Variants in DHRS7C observed in about 807,000 individuals in gnomAD.
DHRS7C encodes dehydrogenase/reductase SDR family member 7C.
A neutral mutation model predicts 29.6 loss-of-function variants in DHRS7C; 28 were observed. That is an observed-to-expected ratio of 0.95 (90% CI 0.70 to 1.30). The LOEUF is 1.30. Ranked by LOEUF, DHRS7C falls within the 50% of genes most tolerant of loss-of-function variation. The pLI, the probability that DHRS7C is intolerant of heterozygous loss-of-function variation, is 0.00. For missense variants in DHRS7C, 403 were observed against 393.3 expected (o/e 1.02, Z -0.21); for synonymous variants, 158 against 160.2 (o/e 0.99, Z 0.10).
intron 4 of DHRS7C, 29 bp from the exon 5 acceptor site, chr17:9,772,951 G>T (rs2066340274): frequency 1.2e-6 from 2 of 1,610,586 alleles, no homozygotes; most frequent in South Asian, 2.2e-5. Flanking sequence ...GGAGGTGGGC[G>T]CAGGACACTC....
In DHRS7C at chr17:9,784,521, G is replaced by A. The variant is rs140207695; in HGVS notation, c.155-2927C>T. 7.0e-3 allele frequency among the ~76,000 whole-genome samples: 1,058 copies of A among 151,824 alleles called. 18 individuals carry two copies. Among genetic ancestry groups the A allele is most frequent in the African/African-American group, 0.024 (985 of 41,430 alleles). On this transcript the variant is annotated intron_variant, in intron 1 of 5. Coordinates refer to ENST00000571134, the MANE Select transcript of DHRS7C (RefSeq NM_001105571.3). The stretch of plus-strand genomic sequence containing the variant: ...GAAAATCTTACAGCAAAACAAAAAC[G>A]AAAACAAAAAACACCCATAAGTAAA...
At chr17:9,786,841 C>T (rs1194954604) in intron 1 of DHRS7C, among the ~76,000 whole-genome samples, 3 of 152,126 alleles carry the variant, frequency 2.0e-5, no homozygotes, top group Admixed American at 6.5e-5. Flanking sequence ...TGGGGAGTAA[C>T]GCATTCTCCA....
chr17:9,777,098 C>T (rs1293308537), intron 4 of DHRS7C, 95 bp downstream of exon 4: 2 of 1,042,068 alleles, frequency 1.9e-6, no homozygotes, highest in Non-Finnish European at 2.7e-6. Flanking sequence ...ACCCTTTCCC[C>T]TGTGACCATC....
intron 1 of DHRS7C, among the ~76,000 whole-genome samples, chr17:9,782,685 T>A (rs2066399717): frequency 6.6e-6 from 1 of 152,206 alleles, no homozygotes; most frequent in African/African-American, 2.4e-5. Context: ...AGCCAACTCT[T>A]ACAGTGCCTG....
chr17:9,778,686 C>T lies in DHRS7C; in HGVS notation c.478+1139G>A, dbSNP rs777985514. 7.9e-5 allele frequency among the ~76,000 whole-genome samples: 12 copies of T among 152,176 alleles called. No homozygotes were observed. The South Asian group carries it at 1.2e-3, about 16-fold the overall frequency. On this transcript the variant is annotated intron_variant, in intron 3 of 5. Coordinates refer to ENST00000571134, the MANE Select transcript of DHRS7C (RefSeq NM_001105571.3). ...CACCATTCTAGAAGCTCTGGAAAGT[C>T]ATCTTTCTGCCCCAAATGCGTCTTT...
rs200331893 is a variant in DHRS7C at position 9,772,878 on chromosome 17, G to A, written c.616C>T (p.Arg206Ter). ...ACATCGTATTCCTCCACTTCGGCTC[G>A]GAGGCAGTCAAAGAAGCCCAGGGCT... ...HAALGFFDCL[R>*]AEVEEYDVVI... Residue 206 changes from arginine to a stop codon, truncating the protein, a stop_gained, in exon 5 of 6, where the codon CGA becomes TGA. Coordinates refer to ENST00000571134, the MANE Select transcript of DHRS7C (RefSeq NM_001105571.3). LOFTEE classifies it high-confidence loss of function. 1.4e-4 allele frequency: 223 copies of A among 1,613,872 alleles called. No homozygotes were observed. Among genetic ancestry groups the A allele is most frequent in the Middle Eastern group, 1.7e-4 (1 of 6,060 alleles).
chr17:9,772,669 T>C, intron 5 of DHRS7C, 98 bp downstream of exon 5: 2 of 1,445,482 alleles, frequency 1.4e-6, no homozygotes, highest in East Asian at 2.4e-5. Context: ...CCCAGACTCA[T>C]GTTTCAGGAG....
chr17:9,791,385 A>G lies in DHRS7C; in HGVS notation c.-101T>C, dbSNP rs149667378. On this transcript the variant is annotated 5_prime_UTR_variant, in exon 1 of 6. Transcript: ENST00000571134. ...GGAGGCCCAAGGCTGCAGGGAGCTCAGCTCTGTGCAAGCCTCCAAGCTGAA... is the reference window on the plus strand; with the variant it reads ...GGAGGCCCAAGGCTGCAGGGAGCTCGGCTCTGTGCAAGCCTCCAAGCTGAA... The G allele has an allele frequency of 7.3e-7, 1 of 1,374,480 alleles. No individual in the cohort carries two copies. Among genetic ancestry groups the G allele is most frequent in the African/African-American group, 1.4e-5 (1 of 69,770 alleles). The allele number at this position is 1,374,480 out of a possible 1,614,324, so 85.1% of individuals were successfully genotyped here.
At chr17:9,778,582 G>T (rs935793833) in intron 3 of DHRS7C, among the ~76,000 whole-genome samples, 1 of 152,146 alleles carries the variant, frequency 6.6e-6, no homozygotes, top group South Asian at 2.1e-4. Context: ...TCCGTTAAAG[G>T]TTGGTAGCTG....
chr17:9,777,048 T>C (rs919753921), intron 4 of DHRS7C, 145 bp downstream of exon 4: 4 of 642,966 alleles, frequency 6.2e-6, no homozygotes, highest in East Asian at 3.0e-5. Flanking sequence ...ATAGGAACCA[T>C]AGGGATGAAA....
At chr17:9,778,266 C>T (rs1157282709) in intron 3 of DHRS7C, among the ~76,000 whole-genome samples, 7 of 151,916 alleles carry the variant, frequency 4.6e-5, no homozygotes, top group Non-Finnish European at 1.0e-4. Context: ...TGGTGGCGGG[C>T]GCCTGTAGTC....
rs375773762 is a variant in DHRS7C, at chr17:9,775,321, C to T, written c.571+1872G>A. Among the ~76,000 whole-genome samples, 1 of 152,200 alleles carries T rather than the reference C, an allele frequency of 6.6e-6. No homozygotes were observed. The highest frequency in any genetic ancestry group is 1.9e-4 in the East Asian group (1 of 5,192). ...TGCTGTATGTGGCCCATTCACTCTG[C>T]CCTTCTTCCTGGGCCCCCAGGTGGA... On this transcript the variant is annotated intron_variant, in intron 4 of 5. Coordinates refer to ENST00000571134, the MANE Select transcript of DHRS7C (RefSeq NM_001105571.3). The surrounding 1 kb of genome is among the most constrained non-coding windows in gnomAD (Gnocchi z 4.2).
intron 2 of DHRS7C, among the ~76,000 whole-genome samples, chr17:9,780,663 GAT>G (rs1157381240): frequency 6.6e-6 from 1 of 152,154 alleles, no homozygotes; most frequent in Non-Finnish European, 1.5e-5. Context: ...CTAGTCCTGA[GAT>G]ATGCCCTTGA....
Position 9,791,525 on chromosome 17 carries a change from T to C in DHRS7C, c.-241A>G. Among the ~76,000 whole-genome samples, 1 of 152,204 alleles carries C rather than the reference T, an allele frequency of 6.6e-6. No homozygotes were observed. The highest frequency in any genetic ancestry group is 1.9e-4 in the East Asian group (1 of 5,196). ...CCCTCCCCAGTGGTTAATTACAAAC[T>C]TAATTAAAATGGGTCTGCATTTTTG... On this transcript the variant is annotated 5_prime_UTR_variant, in exon 1 of 6. An upstream open reading frame in the 5' UTR loses its in-frame stop. Transcript: ENST00000571134.
At position 9,772,766 on chromosome 17, in the gene DHRS7C, C is replaced by G. The variant is rs371011586; in HGVS notation, c.727+1G>C. The G allele has an allele frequency of 1.2e-6, 2 of 1,613,630 alleles. No individual in the cohort carries two copies. Among genetic ancestry groups the G allele is most frequent in the Middle Eastern group, 1.6e-4 (1 of 6,080 alleles). On this transcript the variant is annotated splice_donor_variant, in intron 5 of 5. Transcript: ENST00000571134. LOFTEE classifies it high-confidence loss of function. ...GCCCCAGCTTCCCTCTGAAGTCTCACATTTCCAAATGGAAGCTTCCCAGTT... is the reference window on the plus strand; with the variant it reads ...GCCCCAGCTTCCCTCTGAAGTCTCAGATTTCCAAATGGAAGCTTCCCAGTT...
At position 9,775,213 on chromosome 17, in the gene DHRS7C, A is replaced by C. The variant is rs1381474560; in HGVS notation, c.571+1980T>G. 6.6e-5 allele frequency among the ~76,000 whole-genome samples: 10 copies of C among 152,218 alleles called. No individual in the cohort carries two copies. Among genetic ancestry groups the C allele is most frequent in the Non-Finnish European group, 1.5e-4 (10 of 68,042 alleles). ...CACCCAGCTGCTGAAAATAACAGAC[A>C]GAAAGTTTAAAAATACAAGGAGCAG... On this transcript the variant is annotated intron_variant, in intron 4 of 5. Transcript: ENST00000571134. This position sits in a 1 kb window ranked among gnomAD's most constrained non-coding sequence, Gnocchi z 4.2.
At position 9,771,471 on chromosome 17, in the gene DHRS7C, C is replaced by A. The variant is rs548745496; in HGVS notation, c.*17G>T. The A allele has an allele frequency of 2.0e-6, 3 of 1,477,558 alleles. No homozygotes were observed. The African/African-American group carries it at 4.3e-5, about 21-fold the overall frequency. The allele number at this position is 1,477,558 out of a possible 1,614,324, so 91.5% of individuals were successfully genotyped here. ...AAACCTTTATTTCCAAGGGGTGGCC[C>A]ATTTGGCCTCCTGCAGTTACCCCTC... On this transcript the variant is annotated 3_prime_UTR_variant, in exon 6 of 6. Transcript: ENST00000571134.
chr17:9,786,394 AT>A (rs11373200), intron 1 of DHRS7C, among the ~76,000 whole-genome samples: 9 of 148,206 alleles, frequency 6.1e-5, no homozygotes, highest in East Asian at 2.0e-4. Flanking sequence ...GAACCGCCTG[AT>A]TTTTTTTTCT....
intron 4 of DHRS7C, among the ~76,000 whole-genome samples, chr17:9,776,447 C>A (rs2066363127): frequency 6.6e-6 from 1 of 152,186 alleles, no homozygotes; most frequent in Non-Finnish European, 1.5e-5. Flanking sequence ...GCAGCCTGAG[C>A]AAATTCATAT....
Sources: gnomAD v4.1 joint callset for allele counts (sites outside exome capture counted in the v4.1 genomes callset) on GRCh38, gnomAD v4.1.1 for gene constraint, Gnocchi (gnomAD v3.1) non-coding constraint, MANE v1.5 for transcripts, NCBI Gene and HGNC (gene_info 2026-07-23, HGNC 2026-07-21) for gene names.